KLHL13: variants seen among roughly 807,000 people sequenced by gnomAD.
The protein encoded by KLHL13 is kelch-like protein 13.
A neutral mutation model predicts 37.1 loss-of-function variants in KLHL13; 10 were observed. That is an observed-to-expected ratio of 0.27 (90% CI 0.17 to 0.46). The LOEUF is 0.46. Ranked by LOEUF, KLHL13 falls within the 20% of genes least tolerant of loss-of-function variation. KLHL13 has a pLI of 1.00. For synonymous variants in KLHL13, 163 were observed against 181.2 expected (o/e 0.90, Z 0.81); for missense variants, 360 against 509.3 (o/e 0.71, Z 2.82).
exon 5 of KLHL13, chrX:117,909,436 C>T: frequency 8.3e-7 from 1 of 1,211,514 alleles, no homozygotes; most frequent in Non-Finnish European, 1.1e-6. Flanking sequence ...AATCTGAAGA[C>T]TGTATCAACT....
At chrX:118,041,334 C>T (rs1292925093) in intron 1 of KLHL13, among the ~76,000 whole-genome samples, 1 of 111,489 alleles carries the variant, frequency 9.0e-6, no homozygotes, top group Non-Finnish European at 1.9e-5. Flanking sequence ...CAAGACCAGT[C>T]TGGGCAACAT....
Position 117,925,122 on chromosome X carries a change from TAAC to T in KLHL13, c.241-4755_241-4753del, listed in dbSNP as rs1324388362. On this transcript the variant is annotated intron_variant, in intron 2 of 6. Coordinates refer to ENST00000262820, the Ensembl canonical transcript of KLHL13. Reference sequence around the variant, plus strand: ...AATATGACTTGATATTACAGGATTATAACATGGAAACCAGACAAGCTATGAATA... The same window carrying T: ...AATATGACTTGATATTACAGGATTATATGGAAACCAGACAAGCTATGAATA... 3.4e-3 allele frequency among the ~76,000 whole-genome samples: 376 copies of T among 111,415 alleles called. 5 individuals carry two copies. Among genetic ancestry groups the T allele is most frequent in the African/African-American group, 0.011 (347 of 30,848 alleles).
chrX:118,072,517 A>G (rs2054881416), intron 1 of KLHL13, among the ~76,000 whole-genome samples: 2 of 111,406 alleles, frequency 1.8e-5, no homozygotes, highest in African/African-American at 3.3e-5. Context: ...GCACAGCAAA[A>G]GAAACTACCA....
At chrX:118,027,791 C>T (rs183255171) in intron 1 of KLHL13, among the ~76,000 whole-genome samples, 28 of 111,210 alleles carry the variant, frequency 2.5e-4, no homozygotes, top group African/African-American at 8.2e-4. Flanking sequence ...GACTACGAAA[C>T]TTGCCCAAGG....
In KLHL13 at chrX:118,057,668, G is replaced by GA. The variant is rs371503719; in HGVS notation, c.-56+58839dup. Reference sequence around the variant, plus strand: ...ACCCCCATTTCTACTAAAAATACAAGAAAAAAAATTAGTCGGGTGTGGTGG... The same window carrying GA: ...ACCCCCATTTCTACTAAAAATACAAGAAAAAAAAATTAGTCGGGTGTGGTGG... On this transcript the variant is annotated intron_variant, in intron 1 of 6. Transcript: ENST00000371882. 1.4e-3 allele frequency among the ~76,000 whole-genome samples: 156 copies of GA among 109,785 alleles called. 2 individuals are homozygous for GA. The highest frequency in any genetic ancestry group is 5.0e-3 in the African/African-American group (151 of 30,136).
chrX:117,938,452 C>A (rs542393500), intron 2 of KLHL13, among the ~76,000 whole-genome samples: 1 of 111,263 alleles, frequency 9.0e-6, no homozygotes, highest in South Asian at 3.8e-4. Flanking sequence ...GTTAGAAATG[C>A]AAATTCCTGG....
intron 1 of KLHL13, among the ~76,000 whole-genome samples, chrX:118,057,042 A>T (rs964919420): frequency 2.7e-5 from 3 of 111,878 alleles, no homozygotes; most frequent in African/African-American, 9.7e-5. Context: ...AGCAAAGATT[A>T]ATCTTTAAAG....
At chrX:118,064,731 C>G (rs1371034123) in intron 1 of KLHL13, among the ~76,000 whole-genome samples, 1 of 111,604 alleles carries the variant, frequency 9.0e-6, no homozygotes, top group Non-Finnish European at 1.9e-5. Flanking sequence ...AGAGAAGAAA[C>G]TGTAGAGTCA....
At chrX:117,925,925 C>A (rs992811707) in intron 2 of KLHL13, among the ~76,000 whole-genome samples, 1 of 111,138 alleles carries the variant, frequency 9.0e-6, no homozygotes, top group East Asian at 2.8e-4. Flanking sequence ...TGCCCCCCAA[C>A]CGCCACCTGT....
chrX:118,051,996 T>C (rs2054619110), intron 1 of KLHL13, among the ~76,000 whole-genome samples: 1 of 111,343 alleles, frequency 9.0e-6, no homozygotes, highest in African/African-American at 3.3e-5. Flanking sequence ...GTGGTACTAG[T>C]GTGGGAACAG....
intron 2 of KLHL13, among the ~76,000 whole-genome samples, chrX:117,932,751 T>C (rs1329395959): frequency 2.7e-5 from 3 of 112,262 alleles, no homozygotes; most frequent in Non-Finnish European, 3.8e-5. Flanking sequence ...TGCTGGATCA[T>C]ATGGTAGTTC....
Position 117,899,040 on chromosome X carries a change from A to G in KLHL13, c.1836T>C (p.Asp612=), listed in dbSNP as rs1252605050. 4 of 1,211,295 alleles carry G rather than the reference A, an allele frequency of 3.3e-6. No homozygotes were observed. In the Admixed American group the frequency reaches 8.7e-5, roughly 26 times the overall value. ...CAAAAACCTTATGCCATTCATCTTT[A>G]TCTGGATCATATTTCTGCACTATCT... The change falls in exon 7 of 7, where the codon GAT becomes GAC. Residue 612 remains aspartate, a synonymous_variant. Transcript: ENST00000262820.
chrX:117,948,812 T>C (rs1437222385), intron 1 of KLHL13, among the ~76,000 whole-genome samples: 2 of 111,895 alleles, frequency 1.8e-5, no homozygotes, highest in Non-Finnish European at 3.8e-5. Flanking sequence ...TCAACTGTGC[T>C]TGCTCAAAGA....
At chrX:118,043,197 C>T (rs746754106) in intron 1 of KLHL13, among the ~76,000 whole-genome samples, 2 of 110,958 alleles carry the variant, frequency 1.8e-5, no homozygotes, top group Non-Finnish European at 3.8e-5. Context: ...TGAAAAAATC[C>T]AAAACCTGAA....
chrX:117,972,678 A>G, intron 1 of KLHL13: 1 of 1,090,944 alleles, frequency 9.2e-7, no homozygotes, highest in South Asian at 2.0e-5. Flanking sequence ...TTTTGCCACA[A>G]GGTAGATTCA....
intron 1 of KLHL13, among the ~76,000 whole-genome samples, chrX:118,038,862 C>T (rs1191354530): frequency 2.7e-5 from 3 of 111,453 alleles, no homozygotes; most frequent in Non-Finnish European, 3.8e-5. Context: ...CCCATAACCC[C>T]AGGCAGCACC....
intron 1 of KLHL13, among the ~76,000 whole-genome samples, chrX:117,990,279 T>C (rs903006702): frequency 9.0e-6 from 1 of 110,740 alleles, no homozygotes; most frequent in African/African-American, 3.3e-5. Flanking sequence ...AGAATGAGGA[T>C]GGGGGTGTGA....
Position 117,930,290 on chromosome X carries a change from AAGGC to A in KLHL13, c.241-9924_241-9921del, listed in dbSNP as rs1166028829. On this transcript the variant is annotated intron_variant, in intron 2 of 6. Transcript: ENST00000262820. ...GAAGGAAGGAAGGAAGGAAGGAAGGAAGGCAGGCAGGCAGGCAGGCAGGCAGGCA... is the reference window on the plus strand; with the variant it reads ...GAAGGAAGGAAGGAAGGAAGGAAGGAAGGCAGGCAGGCAGGCAGGCAGGCA... Among the ~76,000 whole-genome samples the A allele has an allele frequency of 5.4e-3, 419 of 77,920 alleles. 5 individuals are homozygous for A. Among genetic ancestry groups the A allele is most frequent in the African/African-American group, 0.01 (160 of 15,369 alleles). 67.7% of individuals were successfully genotyped at this position (77,920 alleles called of 115,157 possible).
chrX:117,899,880 C>T (rs930061148), intron 6 of KLHL13, among the ~76,000 whole-genome samples: 1 of 112,084 alleles, frequency 8.9e-6, no homozygotes, highest in East Asian at 2.8e-4. Flanking sequence ...AGGATTGTGA[C>T]TCTGAAGTGA....
Sources: gnomAD v4.1 joint callset for allele counts (sites outside exome capture counted in the v4.1 genomes callset) on GRCh38, gnomAD v4.1.1 for gene constraint, MANE v1.5 for transcripts, NCBI Gene and HGNC (gene_info 2026-07-23, HGNC 2026-07-21) for gene names.